The following MDGA1 variants were observed in gnomAD, a reference collection of about 807,000 sequenced individuals.
MDGA1 encodes MAM domain-containing glycosylphosphatidylinositol anchor protein 1.
Under a neutral mutation model 101.5 loss-of-function variants are expected in MDGA1, and 54 were observed. The observed-to-expected ratio is 0.53, with a 90% CI of 0.43 to 0.67. MDGA1 has a LOEUF of 0.67. Ranked by LOEUF, MDGA1 falls within the 30% of genes least tolerant of loss-of-function variation. MDGA1 has a pLI of 0.00. For missense variants in MDGA1, 1,083 were observed against 1,323.8 expected, an observed-to-expected ratio of 0.82 and a Z score of 2.82; for synonymous variants, 533 against 558.3, an observed-to-expected ratio of 0.95 and a Z score of 0.64.
At chr6:37,648,705 GCGAAGGCCT>G in intron 9 of MDGA1, 1 of 549,276 alleles carries the variant, frequency 1.8e-6, no homozygotes, top group Non-Finnish European at 3.1e-6. Context: ...GCCTTGGAAG[GCGAAGGCCT>G]CAACCTCAAG....
Position 37,650,185 on chromosome 6 carries a change from G to A in MDGA1, c.1533C>T (p.Thr511=), listed in dbSNP as rs762047269. The A allele has an allele frequency of 5.6e-6, 9 of 1,612,896 alleles. No homozygotes were observed. The highest frequency in any genetic ancestry group is 7.6e-6 in the Non-Finnish European group (9 of 1,179,466). The part of the protein sequence containing the change: ...LERVSRDMSG[T]YRCQTARYNG... ...TATAGCGGGCCGTCTGGCAGCGGTA[G>A]GTCCCGCTCATGTCTCGGCTCACTC... The change falls in exon 8 of 17, where the codon ACC becomes ACT. Residue 511 remains threonine, a synonymous_variant. Transcript: ENST00000434837.
chr6:37,680,343 C>T (rs1419431262), intron 1 of MDGA1, among the ~76,000 whole-genome samples: 2 of 152,216 alleles, frequency 1.3e-5, no homozygotes, highest in Non-Finnish European at 2.9e-5. Context: ...AGGCATCAGC[C>T]CTGTGACCCT....
At position 37,643,940 on chromosome 6, in the gene MDGA1, T is replaced by C; in HGVS notation, c.2405A>G (p.Tyr802Cys). 1.2e-6 allele frequency: 2 copies of C among 1,613,730 alleles called. No homozygotes were observed. The highest frequency in any genetic ancestry group is 1.7e-6 in the Non-Finnish European group (2 of 1,179,782). The change falls in exon 14 of 17, where the codon TAC (tyrosine) becomes TGC (cysteine). Residue 802 changes from tyrosine (Y) to cysteine (C), a missense_variant. By Grantham distance (194) the Tyr-to-Cys change is radical (BLOSUM62 -2). Transcript: ENST00000434837. Reference protein sequence around the residue: ...PTDISGTPEGYYMFIETSRPR... With the variant: ...PTDISGTPEGCYMFIETSRPR... ...CCTCGATGTCTCGATGAACATGTAGTAGCCTGCGGGGAATGGGGAGATGCG... is the reference window on the plus strand; with the variant it reads ...CCTCGATGTCTCGATGAACATGTAGCAGCCTGCGGGGAATGGGGAGATGCG...
At chr6:37,658,545 G>A (rs560432906) in intron 2 of MDGA1, 126 bp from the exon 3 acceptor site, 17 of 985,802 alleles carry the variant, frequency 1.7e-5, no homozygotes, top group Non-Finnish European at 1.9e-5. Flanking sequence ...TGGGGCACAC[G>A]CAGGCCTAGG....
intron 1 of MDGA1, among the ~76,000 whole-genome samples, chr6:37,688,792 C>T (rs2114106652): frequency 6.6e-6 from 1 of 152,344 alleles, no homozygotes; most frequent in East Asian, 1.9e-4. Context: ...CTAAACCAGG[C>T]TTCACATGGG....
Position 37,631,997 on chromosome 6 carries a change from A to T in MDGA1, c.*5371T>A, listed in dbSNP as rs1338716708. On this transcript the variant is annotated 3_prime_UTR_variant, in exon 17 of 17. Transcript: ENST00000434837. ...ACTTTAGTCCTCCTCCTTTGCCCTT[A>T]CTCCCCTTCCTTGAGCCTTCTAAGT... The T allele has an allele frequency of 6.6e-6, 1 of 151,802 alleles. No individual in the cohort carries two copies. Among genetic ancestry groups the T allele is most frequent in the Admixed American group, 6.6e-5 (1 of 15,234 alleles). The allele number at this position is 151,802 out of a possible 1,614,324, so 9.4% of individuals were successfully genotyped here.
At position 37,654,860 on chromosome 6, in the gene MDGA1, C is replaced by T; in HGVS notation, c.652G>A (p.Val218Met). 3 of 1,613,816 alleles carry T rather than the reference C, an allele frequency of 1.9e-6. No homozygotes were observed. Among genetic ancestry groups the T allele is most frequent in the South Asian group, 1.1e-5 (1 of 91,076 alleles). ...DYASYTCQVS[V>M]RNVCGIPDKA... ...TCTGGGATGCCGCACACGTTACGCA[C>T]AGACACCTGGCAGGTGTAGCTGGCA... Residue 218 changes from valine (V) to methionine (M), a missense_variant, in exon 5 of 17, where the codon GTG (valine) becomes ATG (methionine). Around this residue, in one of 3 missense-constraint regions of MDGA1, gnomAD observed 310 missense variants for 355.9 expected, o/e 0.87. Coordinates refer to ENST00000434837, the MANE Select transcript of MDGA1 (RefSeq NM_153487.4).
rs1170233379 is a variant in MDGA1 at position 37,638,003 on chromosome 6, C to A, written c.2776+202G>T. 21 of 610,788 alleles carry A rather than the reference C, an allele frequency of 3.4e-5. No individual in the cohort carries two copies. The highest frequency in any genetic ancestry group is 3.3e-4 in the South Asian group (16 of 47,922). 37.8% of individuals were successfully genotyped at this position (610,788 alleles called of 1,614,324 possible). ...AGTATGCTCATCACGAGGGTGGGGG[C>A]CAGGCTTCTCATTGTTTACACAAGT... is the stretch of plus-strand genomic sequence containing the variant. On this transcript the variant is annotated intron_variant, in intron 16 of 16. Transcript: ENST00000434837. This position sits in a 1 kb window ranked among gnomAD's most constrained non-coding sequence, Gnocchi z 4.8.
rs547706495 is a variant in MDGA1, at chr6:37,665,546, G to A, written c.68-1440C>T. ...TTTCTCTAGCAGCTAAACAAGCCCT[G>A]GCCTGGAGATAAGCAATGCTGAAAC... is the stretch of plus-strand genomic sequence containing the variant. On this transcript the variant is annotated intron_variant, in intron 1 of 16. Transcript: ENST00000434837. 3.9e-5 allele frequency among the ~76,000 whole-genome samples: 6 copies of A among 152,298 alleles called. 1 individual carries two copies. The highest frequency in any genetic ancestry group is 1.4e-4 in the African/African-American group (6 of 41,558).
chr6:37,661,678 G>A (rs544756315), intron 2 of MDGA1, among the ~76,000 whole-genome samples: 1 of 152,282 alleles, frequency 6.6e-6, no homozygotes, highest in East Asian at 1.9e-4. Context: ...GTGTGAGGAG[G>A]GTGGCAGTGG....
At position 37,649,059 on chromosome 6, in the gene MDGA1, G is replaced by C. The variant is rs1373410706; in HGVS notation, c.1817C>G (p.Thr606Ser). 1.9e-6 allele frequency: 3 copies of C among 1,544,006 alleles called. No homozygotes were observed. The highest frequency in any genetic ancestry group is 2.6e-6 in the Non-Finnish European group (3 of 1,145,258). ...DHAELRLDAV[T>S]RDSSGSYECS... ...CTCGTAGCTGCCGCTGCTGTCGCGA[G>C]TTACGGCGTCGAGGCGCAGCTCCGC... is the stretch of plus-strand genomic sequence containing the variant. The change falls in exon 9 of 17, where the codon ACT becomes AGT. Residue 606 changes from threonine to serine, a missense_variant. Transcript: ENST00000434837.
intron 1 of MDGA1, among the ~76,000 whole-genome samples, chr6:37,692,480 G>A (rs1036657420): frequency 1.3e-5 from 2 of 151,816 alleles, no homozygotes; most frequent in Non-Finnish European, 2.9e-5. Context: ...TTTGGGGTGG[G>A]GGTGTCTTCC....
intron 14 of MDGA1, among the ~76,000 whole-genome samples, chr6:37,641,576 TTAAAC>T (rs1439632626): frequency 1.3e-5 from 2 of 152,250 alleles, no homozygotes; most frequent in South Asian, 2.1e-4. Flanking sequence ...ATATCTTTCT[TTAAAC>T]TAACTCACTC....
At chr6:37,648,918 G>C (rs1761284077) in intron 9 of MDGA1, 64 bp downstream of exon 9, 2 of 1,509,874 alleles carry the variant, frequency 1.3e-6, no homozygotes, top group East Asian at 2.6e-5. Flanking sequence ...CCCGGGCTGG[G>C]ATTGGGGCAG....
intron 1 of MDGA1, among the ~76,000 whole-genome samples, chr6:37,673,315 C>T (rs895245316): frequency 2.0e-5 from 3 of 152,244 alleles, no homozygotes; most frequent in African/African-American, 4.8e-5. Flanking sequence ...TGACACCTCT[C>T]GCCCTCCCAG....
chr6:37,646,671 A>G (rs191654480), intron 10 of MDGA1, among the ~76,000 whole-genome samples: 17 of 152,252 alleles, frequency 1.1e-4, no homozygotes, highest in Admixed American at 9.2e-4. Context: ...TAGCTCACAC[A>G]AAGCTGGGTT....
intron 1 of MDGA1, among the ~76,000 whole-genome samples, chr6:37,668,645 C>T (rs186616175): frequency 6.6e-6 from 1 of 152,102 alleles, no homozygotes; most frequent in Non-Finnish European, 1.5e-5. Flanking sequence ...AGTGAAAGAA[C>T]CCAGACACAA....
At chr6:37,668,961 C>T (rs775117328) in intron 1 of MDGA1, among the ~76,000 whole-genome samples, 99 of 152,272 alleles carry the variant, frequency 6.5e-4, no homozygotes, top group Admixed American at 6.5e-4. Flanking sequence ...AATTCTCCTG[C>T]CTCAGCCTCC....
chr6:37,631,911 G>A lies in MDGA1; in HGVS notation c.*5457C>T, dbSNP rs1178017922. The A allele has an allele frequency of 6.6e-6, 1 of 152,258 alleles. No homozygotes were observed. Among genetic ancestry groups the A allele is most frequent in the Non-Finnish European group, 1.5e-5 (1 of 68,040 alleles). The allele number at this position is 152,258 out of a possible 1,614,324, so 9.4% of individuals were successfully genotyped here. On this transcript the variant is annotated 3_prime_UTR_variant, in exon 17 of 17. Coordinates refer to ENST00000434837, the MANE Select transcript of MDGA1 (RefSeq NM_153487.4). ...TTAAGAGGGAAGGGACTCCAAGCGT[G>A]TAGGAGGGATGGTAGGGTTGGGTGC... is the stretch of plus-strand genomic sequence containing the variant.
Sources: allele counts gnomAD v4.1 joint callset (sites outside exome capture counted in the v4.1 genomes callset), GRCh38; gene constraint gnomAD v4.1.1; regional missense constraint gnomAD v4.1.1; non-coding constraint Gnocchi (gnomAD v3.1); transcripts MANE v1.5; gene names NCBI Gene and HGNC (gene_info 2026-07-23, HGNC 2026-07-21).